The following ZER1 variants were observed in gnomAD, a reference collection of about 807,000 sequenced individuals.
The protein encoded by ZER1 is protein zer-1 homolog.
In ZER1, 11 loss-of-function variants were observed where a neutral mutation model predicts 78.8. That is an observed-to-expected ratio of 0.14 (90% CI 0.09 to 0.23). The LOEUF (loss-of-function observed/expected upper bound fraction) is 0.23. Among genes scored for constraint, ZER1 ranks in the 10% least tolerant of loss-of-function variants. ZER1 has a pLI of 1.00. For synonymous variants in ZER1, 400 were observed against 407.0 expected (o/e 0.98, Z 0.21); for missense variants, 588 against 996.9 (o/e 0.59, Z 5.52).
chr9:128,732,512 G>C lies in ZER1; in HGVS notation c.2243+914C>G, dbSNP rs1446159051. Among the ~76,000 whole-genome samples, 1 of 152,182 alleles carries C rather than the reference G, an allele frequency of 6.6e-6. No homozygotes were observed. Among genetic ancestry groups the C allele is most frequent in the African/African-American group, 2.4e-5 (1 of 41,444 alleles). On this transcript the variant is annotated intron_variant, in intron 15 of 15. Coordinates refer to ENST00000291900, the MANE Select transcript of ZER1 (RefSeq NM_006336.4). The surrounding 1 kb of genome is among the most constrained non-coding windows in gnomAD (Gnocchi z 4.8). The stretch of plus-strand genomic sequence containing the variant: ...AGCCTCCCAAGTGGCTGGGATTACA[G>C]GCACGTACCACCACGCCGAGCTAAT...
chr9:128,735,133 G>C (rs954829437), intron 14 of ZER1, among the ~76,000 whole-genome samples: 2 of 152,226 alleles, frequency 1.3e-5, no homozygotes, highest in Non-Finnish European at 2.9e-5. Context: ...TATTTCGCCT[G>C]CCAGGCCTGC....
intron 9 of ZER1, among the ~76,000 whole-genome samples, chr9:128,742,317 C>A (rs1449263250): frequency 1.3e-5 from 2 of 152,252 alleles, no homozygotes; most frequent in Non-Finnish European, 2.9e-5. Flanking sequence ...AGGATGACAG[C>A]ATGCTCTAGG....
intron 1 of ZER1, among the ~76,000 whole-genome samples, chr9:128,769,154 G>T (rs554362142): frequency 1.1e-4 from 16 of 152,248 alleles, no homozygotes; most frequent in African/African-American, 3.8e-4. Context: ...GGGGTGTCAA[G>T]AAGTTTCTGT....
chr9:128,767,894 T>G (rs1864265477), intron 1 of ZER1, among the ~76,000 whole-genome samples: 1 of 152,128 alleles, frequency 6.6e-6, no homozygotes, highest in African/African-American at 2.4e-5. Context: ...AGTATGTGAG[T>G]GGCTCAATGC....
intron 13 of ZER1, among the ~76,000 whole-genome samples, chr9:128,738,848 A>ATTTT (rs71381801): frequency 1.7e-5 from 1 of 58,524 alleles, no homozygotes; most frequent in Non-Finnish European, 3.4e-5. Context: ...CACCCAGCTC[A>ATTTT]TTTTTTTTTT....
Position 128,750,744 on chromosome 9 carries a change from G to C in ZER1, c.1231C>G (p.Gln411Glu). The C allele has an allele frequency of 6.2e-7, 1 of 1,614,238 alleles. No homozygotes were observed. Among genetic ancestry groups the C allele is most frequent in the Admixed American group, 1.7e-5 (1 of 60,022 alleles). The change falls in exon 8 of 16, where the codon CAA becomes GAA. Residue 411 changes from glutamine to glutamate, a missense_variant. Gln to Glu is a conservative substitution (Grantham distance 29). Coordinates refer to ENST00000291900, the MANE Select transcript of ZER1 (RefSeq NM_006336.4). The part of the protein sequence containing the change: ...LKCHKYDRNI[Q>E]VTGSAALFYL... ...AAGAGAGCGGCGCTGCCTGTCACTT[G>C]AATGTTCCTGTCATATTTGTGGCAC... is the stretch of plus-strand genomic sequence containing the variant.
intron 8 of ZER1, among the ~76,000 whole-genome samples, chr9:128,745,706 A>G (rs1589526767): frequency 6.6e-6 from 1 of 152,118 alleles, no homozygotes; most frequent in African/African-American, 2.4e-5. Flanking sequence ...CCTGGAGTAC[A>G]GTGGTGCCAT....
chr9:128,754,972 G>A lies in ZER1; in HGVS notation c.158+436C>T, dbSNP rs1013428016. ...ATCATGGATCCGTTATTCTGGCACC[G>A]GCATGTACATGCATATGTGGCCATG... is the stretch of plus-strand genomic sequence containing the variant. On this transcript the variant is annotated intron_variant, in intron 2 of 15. Coordinates refer to ENST00000291900, the MANE Select transcript of ZER1 (RefSeq NM_006336.4). This position sits in a 1 kb window ranked among gnomAD's most constrained non-coding sequence, Gnocchi z 4.3. 2.6e-5 allele frequency among the ~76,000 whole-genome samples: 4 copies of A among 152,126 alleles called. No homozygotes were observed. The highest frequency in any genetic ancestry group is 4.4e-5 in the Non-Finnish European group (3 of 68,034).
chr9:128,741,401 AGTCT>A, intron 11 of ZER1, 130 bp downstream of exon 11: 1 of 1,363,848 alleles, frequency 7.3e-7, no homozygotes, highest in South Asian at 1.3e-5. Context: ...GGTGGGCCTG[AGTCT>A]GTCCCCACTG....
At chr9:128,759,073 T>C (rs1391204026) in intron 1 of ZER1, among the ~76,000 whole-genome samples, 1 of 151,764 alleles carries the variant, frequency 6.6e-6, no homozygotes, top group Non-Finnish European at 1.5e-5. Context: ...CTCGGCTCAC[T>C]GCAACCTCCA....
In ZER1 at chr9:128,742,753, G is replaced by A. The variant is rs376716226; in HGVS notation, c.1360-8C>T. 160 of 1,596,174 alleles carry A rather than the reference G, an allele frequency of 1.0e-4. No homozygotes were observed. Among genetic ancestry groups the A allele is most frequent in the Non-Finnish European group, 1.3e-4 (147 of 1,172,256 alleles). On this transcript the variant is annotated splice_polypyrimidine_tract_variant and splice_region_variant and intron_variant, in intron 8 of 15. Coordinates refer to ENST00000291900, the MANE Select transcript of ZER1 (RefSeq NM_006336.4). The stretch of plus-strand genomic sequence containing the variant: ...GCAGCAGTTCCGCTGCACCTGGGCC[G>A]GGACAGGACACAAGTGGGGCACATT...
intron 14 of ZER1, 54 bp downstream of exon 14, chr9:128,735,280 C>A: frequency 6.6e-7 from 1 of 1,515,778 alleles, no homozygotes; most frequent in South Asian, 1.2e-5. Flanking sequence ...TCCCTGAGGG[C>A]ACATCTGCTT....
chr9:128,772,063 T>C (rs1412850151), upstream of ZER1: 1 of 152,252 alleles, frequency 6.6e-6, no homozygotes, highest in East Asian at 1.9e-4. Flanking sequence ...GCCCGGCACG[T>C]TACGCCGGTG....
intron 13 of ZER1, among the ~76,000 whole-genome samples, chr9:128,735,711 T>C (rs1209612343): frequency 6.9e-6 from 1 of 144,192 alleles, no homozygotes; most frequent in Non-Finnish European, 1.5e-5. Context: ...AGACCCAGCC[T>C]GTGGGGAAGA....
Position 128,753,749 on chromosome 9 carries a change from G to A in ZER1, c.309+60C>T, listed in dbSNP as rs536106517. Reference sequence around the variant, plus strand: ...GGCTGGGGATGGCTGGGCTGGAGGCGAGCAGCCTGGCCCCTGCTTGGTGTG... The same window carrying A: ...GGCTGGGGATGGCTGGGCTGGAGGCAAGCAGCCTGGCCCCTGCTTGGTGTG... On this transcript the variant is annotated intron_variant, in intron 3 of 15. Transcript: ENST00000291900. This position sits in a 1 kb window ranked among gnomAD's most constrained non-coding sequence, Gnocchi z 7.5. 1.3e-5 allele frequency: 20 copies of A among 1,573,924 alleles called. No individual in the cohort carries two copies. The highest frequency in any genetic ancestry group is 8.1e-5 in the South Asian group (7 of 86,138).
At chr9:128,734,770 C>T (rs149166652) in intron 14 of ZER1, among the ~76,000 whole-genome samples, 78 of 151,896 alleles carry the variant, frequency 5.1e-4, no homozygotes, top group African/African-American at 1.8e-3. Context: ...TCAACAAATC[C>T]AAGGACTAAG....
chr9:128,761,637 C>T (rs561857253), intron 1 of ZER1, among the ~76,000 whole-genome samples: 42 of 144,930 alleles, frequency 2.9e-4, no homozygotes, highest in Non-Finnish European at 5.1e-4. Context: ...CAGAGTCTCA[C>T]TCTGTCACCC....
intron 13 of ZER1, 28 bp downstream of exon 13, chr9:128,739,903 G>C: frequency 1.9e-6 from 3 of 1,589,850 alleles, no homozygotes; most frequent in Non-Finnish European, 2.6e-6. Context: ...ATTCCACACC[G>C]CATCCCCGCT....
rs1864388813 is a variant in ZER1 at position 128,771,646 on chromosome 9, G to T, written c.-160C>A. 6.6e-6 allele frequency: 1 copy of T among 152,650 alleles called. No homozygotes were observed. The highest frequency in any genetic ancestry group is 2.4e-5 in the African/African-American group (1 of 41,470). 9.5% of individuals were successfully genotyped at this position (152,650 alleles called of 1,614,324 possible). A position where few individuals can be genotyped will look rare whatever the true frequency, so the allele number is the denominator to read the frequency against. On this transcript the variant is annotated 5_prime_UTR_variant, in exon 1 of 16. Coordinates refer to ENST00000291900, the MANE Select transcript of ZER1 (RefSeq NM_006336.4). ...TGCTTCGCAGGCGAGGAGGAGCAGAGAATGCAGCCCGGGAGAATCCGGGGC... is the reference window on the plus strand; with the variant it reads ...TGCTTCGCAGGCGAGGAGGAGCAGATAATGCAGCCCGGGAGAATCCGGGGC...
Sources: allele counts gnomAD v4.1 joint callset (sites outside exome capture counted in the v4.1 genomes callset), GRCh38; gene constraint gnomAD v4.1.1; non-coding constraint Gnocchi (gnomAD v3.1); transcripts MANE v1.5; gene names NCBI Gene and HGNC (gene_info 2026-07-23, HGNC 2026-07-21).